SEZ6L: variants seen among roughly 807,000 people sequenced by gnomAD.
SEZ6L encodes seizure related 6 homolog like, also known as seizure 6-like protein.
SEZ6L carries 37 observed loss-of-function variants against 106.2 expected under a neutral mutation model. The observed-to-expected ratio is 0.35, with a 90% CI of 0.27 to 0.46. The LOEUF is 0.46. SEZ6L is among the 20% of genes least tolerant of loss of function. The pLI, the probability that SEZ6L is intolerant of heterozygous loss-of-function variation, is 1.00. For synonymous variants in SEZ6L, 541 were observed against 570.4 expected (o/e 0.95, Z 0.73); for missense variants, 1,172 against 1,332.8 (o/e 0.88, Z 1.88).
At chr22:26,379,312 A>T (rs2084336159) in intron 16 of SEZ6L, among the ~76,000 whole-genome samples, 1 of 152,148 alleles carries the variant, frequency 6.6e-6, no homozygotes, top group African/African-American at 2.4e-5. Flanking sequence ...GCAAACATGG[A>T]AGTGACATCC....
At chr22:26,201,679 T>C (rs1940971490) in intron 1 of SEZ6L, among the ~76,000 whole-genome samples, 1 of 152,222 alleles carries the variant, frequency 6.6e-6, no homozygotes, top group Non-Finnish European at 1.5e-5. Context: ...ATACTACCAC[T>C]GCTTGTGACA....
chr22:26,215,121 C>T (rs1169445766), intron 1 of SEZ6L, among the ~76,000 whole-genome samples: 1 of 152,166 alleles, frequency 6.6e-6, no homozygotes, highest in African/African-American at 2.4e-5. Context: ...GAAGCGAAGA[C>T]CGAATTACAT....
intron 1 of SEZ6L, among the ~76,000 whole-genome samples, chr22:26,233,370 C>T (rs909786816): frequency 3.3e-5 from 5 of 152,280 alleles, no homozygotes; most frequent in East Asian, 3.9e-4. Context: ...TCCAGGATTG[C>T]GGGCTGAGGA....
At chr22:26,219,285 A>G (rs1241091892) in intron 1 of SEZ6L, among the ~76,000 whole-genome samples, 1 of 143,782 alleles carries the variant, frequency 7.0e-6, no homozygotes, top group East Asian at 2.0e-4. Context: ...CCTGGCAAAT[A>G]TCAGTAGGAA....
intron 10 of SEZ6L, among the ~76,000 whole-genome samples, chr22:26,344,629 C>G (rs2082949750): frequency 6.6e-6 from 1 of 152,186 alleles, no homozygotes; most frequent in Non-Finnish European, 1.5e-5. Flanking sequence ...AAAATTGAAC[C>G]TTGGTGCTAA....
intron 5 of SEZ6L, among the ~76,000 whole-genome samples, chr22:26,301,650 T>C (rs1367476108): frequency 6.6e-6 from 1 of 151,252 alleles, no homozygotes; most frequent in Non-Finnish European, 1.5e-5. Context: ...AGGACAGTGA[T>C]GAGCGAAGGG....
At chr22:26,218,789 T>G (rs1249422362) in intron 1 of SEZ6L, among the ~76,000 whole-genome samples, 1 of 152,036 alleles carries the variant, frequency 6.6e-6, no homozygotes, top group African/African-American at 2.4e-5. Flanking sequence ...ATACAAAAAT[T>G]AGCCAGGTGT....
Position 26,380,362 on chromosome 22 carries a change from G to C in SEZ6L, c.*67G>C. 7.4e-7 allele frequency: 1 copy of C among 1,344,464 alleles called. No homozygotes were observed. Among genetic ancestry groups the C allele is most frequent in the Non-Finnish European group, 1.1e-6 (1 of 938,188 alleles). The allele number at this position is 1,344,464 out of a possible 1,614,324, so 83.3% of individuals were successfully genotyped here. ...AATCTCCTCGAGACATTCATCCAGA[G>C]ACCATGTGGCACTTGATTGAAACCC... On this transcript the variant is annotated 3_prime_UTR_variant, in exon 17 of 17. Transcript: ENST00000248933.
chr22:26,317,681 A>C (rs1189563236), intron 9 of SEZ6L, among the ~76,000 whole-genome samples: 1 of 152,170 alleles, frequency 6.6e-6, no homozygotes, highest in African/African-American at 2.4e-5. Flanking sequence ...AAGCTTCCCC[A>C]AAGCCAAGCC....
At chr22:26,328,716 G>A (rs2082394492) in intron 9 of SEZ6L, among the ~76,000 whole-genome samples, 2 of 152,172 alleles carry the variant, frequency 1.3e-5, no homozygotes, top group Non-Finnish European at 2.9e-5. Flanking sequence ...CCGAGAGCAG[G>A]AATCTCTTTC....
At position 26,299,118 on chromosome 22, in the gene SEZ6L, T is replaced by G; in HGVS notation, c.1297T>G (p.Cys433Gly). 1 of 1,599,064 alleles carries G rather than the reference T, an allele frequency of 6.3e-7. No homozygotes were observed. Among genetic ancestry groups the G allele is most frequent in the Non-Finnish European group, 8.5e-7 (1 of 1,172,802 alleles). The change falls in exon 5 of 17, where the codon TGC (cysteine) becomes GGC (glycine). Residue 433 changes from cysteine to glycine, a missense_variant. Physicochemically the swap from Cys to Gly is radical, Grantham distance 159 (BLOSUM62 -3). Around this residue, in one of 4 missense-constraint regions of SEZ6L, gnomAD observed 534 missense variants for 691.0 expected, o/e 0.77. Coordinates refer to ENST00000248933, the MANE Select transcript of SEZ6L (RefSeq NM_021115.5). ...YELQGAKMLT[C>G]INASKPHWSS... ...GCTCCAGGGCGCTAAGATGCTGACA[T>G]GCATCAATGCCTCCAAGCCGCACTG...
chr22:26,351,250 C>A lies in SEZ6L; in HGVS notation c.2599+7C>A, dbSNP rs200451210. 5.0e-6 allele frequency: 8 copies of A among 1,612,578 alleles called. No homozygotes were observed. The East Asian group carries it at 1.8e-4, about 36-fold the overall frequency. On this transcript the variant is annotated splice_region_variant and intron_variant, in intron 12 of 16. Coordinates refer to ENST00000248933, the MANE Select transcript of SEZ6L (RefSeq NM_021115.5). The stretch of plus-strand genomic sequence containing the variant: ...CGCCTGCCCCACTGCGTTTGTGAGT[C>A]CTGTTTAATGAATTGGGCCCCCAGT...
intron 3 of SEZ6L, 92 bp from the exon 4 acceptor site, chr22:26,296,796 G>T (rs1035233535): frequency 8.7e-7 from 1 of 1,153,598 alleles, no homozygotes; most frequent in Non-Finnish European, 1.2e-6. Context: ...GCAGTACCTG[G>T]GCCACTTTTC....
intron 9 of SEZ6L, among the ~76,000 whole-genome samples, chr22:26,326,394 G>A (rs1272036445): frequency 2.0e-5 from 3 of 152,176 alleles, no homozygotes; most frequent in Admixed American, 6.5e-5. Flanking sequence ...GGCTAGAGTT[G>A]CATCCAATTA....
intron 13 of SEZ6L, among the ~76,000 whole-genome samples, chr22:26,367,402 G>A (rs941053051): frequency 6.6e-6 from 1 of 152,080 alleles, no homozygotes; most frequent in Non-Finnish European, 1.5e-5. Flanking sequence ...GGAATGCAGT[G>A]GCGTGATCAT....
chr22:26,348,451 C>T (rs2083081017), intron 11 of SEZ6L, among the ~76,000 whole-genome samples: 1 of 143,658 alleles, frequency 7.0e-6, no homozygotes, highest in African/African-American at 2.7e-5. Context: ...TATGATTATG[C>T]CTCTGCCCTT....
chr22:26,280,911 A>C (rs1230959327), intron 1 of SEZ6L, among the ~76,000 whole-genome samples: 1 of 152,216 alleles, frequency 6.6e-6, no homozygotes, highest in African/African-American at 2.4e-5. Context: ...GGGTAAGAAC[A>C]CTTATAATCT....
At chr22:26,213,976 G>T (rs899768534) in intron 1 of SEZ6L, among the ~76,000 whole-genome samples, 3 of 152,204 alleles carry the variant, frequency 2.0e-5, no homozygotes, top group Non-Finnish European at 4.4e-5. Flanking sequence ...GGGCCCACAG[G>T]ACAAGCCCAA....
chr22:26,326,862 G>A (rs2082320442), intron 9 of SEZ6L, among the ~76,000 whole-genome samples: 1 of 152,224 alleles, frequency 6.6e-6, no homozygotes, highest in Non-Finnish European at 1.5e-5. Context: ...CCGAGGCCTG[G>A]GGAAGCCCCT....
Sources: gnomAD v4.1 joint callset for allele counts (sites outside exome capture counted in the v4.1 genomes callset) on GRCh38, gnomAD v4.1.1 for gene constraint, gnomAD v4.1.1 regional missense constraint, MANE v1.5 for transcripts, NCBI Gene and HGNC (gene_info 2026-07-23, HGNC 2026-07-21) for gene names.